NME5: variants seen among roughly 807,000 people sequenced by gnomAD.
NME5 encodes the protein NME/NM23 family member 5.
In NME5, 18 loss-of-function variants were observed where a neutral mutation model predicts 21.6. The ratio of observed to expected loss-of-function variants is 0.83; its 90% confidence interval spans 0.58 to 1.24. The LOEUF (loss-of-function observed/expected upper bound fraction) is 1.24, where lower values mean the gene tolerates loss of function less well. Among genes scored for constraint, NME5 ranks in the 50% most tolerant of loss-of-function variants. NME5 has a pLI of 0.00. For synonymous variants in NME5, 70 were observed against 80.6 expected, an observed-to-expected ratio of 0.87 and a Z score of 0.71; for missense variants, 223 against 255.4, an observed-to-expected ratio of 0.87 and a Z score of 0.86.
chr5:138,129,437 C>T lies in NME5; in HGVS notation c.161G>A (p.Cys54Tyr), dbSNP rs1311892550. 8 of 1,613,918 alleles carry T rather than the reference C, an allele frequency of 5.0e-6. No individual in the cohort carries two copies. Among genetic ancestry groups the T allele is most frequent in the African/African-American group, 2.7e-5 (2 of 74,884 alleles). Residue 54 changes from cysteine to tyrosine, a missense_variant, in exon 3 of 6, where the codon TGT (cysteine) becomes TAT (tyrosine). Physicochemically the swap from Cys to Tyr is radical, Grantham distance 194 (BLOSUM62 -2). Transcript: ENST00000265191. ...RRKLRLSPEQ[C>Y]SNFYVEKYGK... ...ATACTTTTCCACATAAAAGTTACTA[C>T]ATTGCTCAGGGCTGAGGCGTAGTTT...
At chr5:138,125,414 C>A (rs1751374467) in intron 4 of NME5, among the ~76,000 whole-genome samples, 1 of 151,774 alleles carries the variant, frequency 6.6e-6, no homozygotes, top group East Asian at 1.9e-4. Context: ...CCCATCTCTA[C>A]AAAAAAATTA....
chr5:138,115,771 GA>G lies in NME5; in HGVS notation c.556-8del, dbSNP rs756534793. On this transcript the variant is annotated splice_region_variant and splice_polypyrimidine_tract_variant and intron_variant, in intron 5 of 5. Coordinates refer to ENST00000265191, the MANE Select transcript of NME5 (RefSeq NM_003551.3). ...GCCAATCAGCTAGCCAAATCTATGG[GA>G]AAAAAAAAAACAACCTAAGTTAAGA... The G allele has an allele frequency of 0.015, 17,807 of 1,167,634 alleles. 2 individuals carry two copies. The highest frequency in any genetic ancestry group is 0.026 in the South Asian group (1,507 of 57,552). 72.3% of individuals were successfully genotyped at this position (1,167,634 alleles called of 1,614,324 possible). A position where few individuals can be genotyped will look rare whatever the true frequency, so the allele number is the denominator to read the frequency against.
intron 4 of NME5, chr5:138,127,753 T>C: frequency 3.5e-6 from 3 of 856,496 alleles, no homozygotes; most frequent in Non-Finnish European, 4.2e-6. Flanking sequence ...CTCAATTGCA[T>C]GAGACTTTGT....
intron 2 of NME5, among the ~76,000 whole-genome samples, chr5:138,137,719 G>C (rs897959822): frequency 6.6e-6 from 1 of 151,918 alleles, no homozygotes; most frequent in African/African-American, 2.4e-5. Context: ...CTGTAAAAGA[G>C]GCGGGGTGCA....
chr5:138,129,106 A>AC (rs1442954199), intron 3 of NME5, among the ~76,000 whole-genome samples, 157 bp downstream of exon 3: 4 of 150,378 alleles, frequency 2.7e-5, no homozygotes, highest in African/African-American at 4.9e-5. Context: ...TGTAAAATGG[A>AC]CCCCCCAGGC....
At chr5:138,125,353 G>T (rs537133928) in intron 4 of NME5, among the ~76,000 whole-genome samples, 1 of 152,140 alleles carries the variant, frequency 6.6e-6, no homozygotes, top group Non-Finnish European at 1.5e-5. Flanking sequence ...CTTTGAATTA[G>T]CCATTTATAT....
At chr5:138,128,380 A>G in intron 4 of NME5, 99 bp downstream of exon 4, 1 of 931,592 alleles carries the variant, frequency 1.1e-6, no homozygotes, top group African/African-American at 1.7e-5. Flanking sequence ...ATACTGGAAA[A>G]AAAATTATTT....
intron 2 of NME5, among the ~76,000 whole-genome samples, chr5:138,136,116 AG>A (rs1475871703): frequency 6.6e-6 from 1 of 152,234 alleles, no homozygotes; most frequent in Admixed American, 6.5e-5. Flanking sequence ...TTTGTTGATA[AG>A]TAAACAATGC....
At position 138,127,525 on chromosome 5, in the gene NME5, AG is replaced by A; in HGVS notation, c.436+953del. 4 of 980,496 alleles carry A rather than the reference AG, an allele frequency of 4.1e-6. No homozygotes were observed. The South Asian group carries it at 1.9e-4, about 46-fold the overall frequency. 60.7% of individuals were successfully genotyped at this position (980,496 alleles called of 1,614,324 possible). A position where few individuals can be genotyped will look rare whatever the true frequency, so the allele number is the denominator to read the frequency against. On this transcript the variant is annotated intron_variant, in intron 4 of 5. Coordinates refer to ENST00000265191, the MANE Select transcript of NME5 (RefSeq NM_003551.3). ...GATCTAAATGACTTAGGGAAAAATA[AG>A]TCATAACAGGAAAAATAACATACTA...
At chr5:138,134,842 C>CAGCCTCCCGA (rs370696336) in intron 2 of NME5, among the ~76,000 whole-genome samples, 50,575 of 148,516 alleles carry the variant, frequency 0.34, 8,841 homozygotes, top group South Asian at 0.43. Flanking sequence ...TCTCCTGCCT[C>CAGCCTCCCGA]GTAGCTGGGA....
At chr5:138,124,259 T>C (rs967878745) in intron 4 of NME5, among the ~76,000 whole-genome samples, 1 of 152,068 alleles carries the variant, frequency 6.6e-6, no homozygotes, top group South Asian at 2.1e-4. Context: ...AGCCTCGGCC[T>C]CCCAAAGAGC....
chr5:138,126,206 A>T (rs1327745007), intron 4 of NME5, among the ~76,000 whole-genome samples: 2 of 152,204 alleles, frequency 1.3e-5, no homozygotes, highest in Admixed American at 1.3e-4. Context: ...ATCAAAGGCA[A>T]CTGAAAATAA....
intron 4 of NME5, chr5:138,127,390 CAT>C (rs1242239134): frequency 3.9e-5 from 30 of 773,848 alleles, no homozygotes; most frequent in African/African-American, 2.8e-4. Context: ...TTATTCAAAA[CAT>C]GTGAAATCTC....
chr5:138,135,453 G>C (rs1277653582), intron 2 of NME5, among the ~76,000 whole-genome samples: 1 of 151,488 alleles, frequency 6.6e-6, no homozygotes, highest in Admixed American at 6.6e-5. Flanking sequence ...TCCTGCCCCA[G>C]CCTCCCCAGT....
chr5:138,134,577 A>G (rs1259816426), intron 2 of NME5, among the ~76,000 whole-genome samples: 1 of 151,822 alleles, frequency 6.6e-6, no homozygotes, highest in African/African-American at 2.4e-5. Flanking sequence ...ATAAGGTTTC[A>G]CCACATTGGC....
At chr5:138,123,344 A>G (rs918410255) in intron 4 of NME5, among the ~76,000 whole-genome samples, 2 of 152,164 alleles carry the variant, frequency 1.3e-5, no homozygotes, top group African/African-American at 2.4e-5. Context: ...TATCACAGGA[A>G]TAAGTATCCT....
intron 4 of NME5, among the ~76,000 whole-genome samples, chr5:138,125,080 G>A (rs1180531255): frequency 6.6e-6 from 1 of 151,812 alleles, no homozygotes; most frequent in Non-Finnish European, 1.5e-5. Context: ...GGGCCACCAT[G>A]CCCAGCTAAT....
At chr5:138,138,270 G>A (rs1751757652) in intron 2 of NME5, 1 of 160,848 alleles carries the variant, frequency 6.2e-6, no homozygotes, top group African/African-American at 2.4e-5. Context: ...TAGGAAGAGT[G>A]AGATCAATTC....
chr5:138,127,734 T>C (rs940379838), intron 4 of NME5: 100 of 960,742 alleles, frequency 1.0e-4, no homozygotes, highest in Non-Finnish European at 1.2e-4. Flanking sequence ...AGGGACTAGT[T>C]ATTAATTTCT....
Sources: allele counts gnomAD v4.1 joint callset (sites outside exome capture counted in the v4.1 genomes callset), GRCh38; gene constraint gnomAD v4.1.1; transcripts MANE v1.5; gene names NCBI Gene and HGNC (gene_info 2026-07-23, HGNC 2026-07-21).